RNF6: variants seen among roughly 807,000 people sequenced by gnomAD.
RNF6 encodes E3 ubiquitin-protein ligase RNF6.
Under a neutral mutation model 50.1 loss-of-function variants are expected in RNF6, and 21 were observed. The ratio of observed to expected loss-of-function variants is 0.42; its 90% CI spans 0.30 to 0.60. RNF6 has a LOEUF of 0.60. Ranked by LOEUF, RNF6 falls within the 20% of genes least tolerant of loss-of-function variation. The probability of loss-of-function intolerance (pLI) is 0.20; values close to 1 mark genes in which losing one functional copy is unlikely to be tolerated. For synonymous variants in RNF6, 255 were observed against 291.8 expected (o/e 0.87, Z 1.29); for missense variants, 698 against 838.2 (o/e 0.83, Z 2.07).
downstream of RNF6, among the ~76,000 whole-genome samples, chr13:26,210,253 C>T (rs1038183456): frequency 1.3e-5 from 2 of 152,224 alleles, no homozygotes; most frequent in African/African-American, 4.8e-5. Context: ...CCTACTACTG[C>T]AAAGTGAATT....
intron 5 of RNF6, among the ~76,000 whole-genome samples, chr13:26,204,860 A>AT (rs1307153195): frequency 4.6e-5 from 7 of 152,230 alleles, no homozygotes; most frequent in Non-Finnish European, 1.0e-4. Context: ...AAAATGAGAA[A>AT]TGCCTGACAT....
rs1376423929 is a variant in RNF6 at position 26,213,838 on chromosome 13, CTA to C, written c.2042_2043del (p.Ile681SerfsTer7). The C allele has an allele frequency of 1.2e-6, 2 of 1,605,076 alleles. No homozygotes were observed. Among genetic ancestry groups the C allele is most frequent in the Non-Finnish European group, 1.7e-6 (2 of 1,174,218 alleles). On this transcript the variant is annotated frameshift_variant, in exon 5 of 5. Transcript: ENST00000381588. LOFTEE classifies it high-confidence loss of function. ...ICRQPVLGSN[I>X]ANNG ...ATCCCATCACCTTACCCATTGTTTG[CTA>C]TGTTAGACCCTAAAACAGGCTGCCG... is the stretch of plus-strand genomic sequence containing the variant.
intron 5 of RNF6, among the ~76,000 whole-genome samples, chr13:26,175,382 C>T (rs1481148674): frequency 6.6e-6 from 1 of 152,056 alleles, no homozygotes; most frequent in Non-Finnish European, 1.5e-5. Context: ...CACCCAGCCT[C>T]AGGTGATTTT....
chr13:26,151,283 G>A (rs1871575305), intron 5 of RNF6, among the ~76,000 whole-genome samples: 1 of 148,210 alleles, frequency 6.7e-6, no homozygotes, highest in South Asian at 2.1e-4. Context: ...TTTTTTATGA[G>A]ACAGAATTTC....
chr13:26,209,638 A>T (rs1869239007), downstream of RNF6, among the ~76,000 whole-genome samples: 1 of 152,254 alleles, frequency 6.6e-6, no homozygotes, highest in Non-Finnish European at 1.5e-5. Flanking sequence ...TTCACAGTAC[A>T]GAAGCTGCAT....
At chr13:26,137,293 TTAAC>T (rs1276186105) in intron 5 of RNF6, among the ~76,000 whole-genome samples, 27 of 151,918 alleles carry the variant, frequency 1.8e-4, no homozygotes, top group Admixed American at 6.6e-5. Context: ...AAATAATAGA[TTAAC>T]TAAAGAGCTT....
intron 5 of RNF6, among the ~76,000 whole-genome samples, chr13:26,178,506 G>A (rs548597306): frequency 6.6e-6 from 1 of 150,832 alleles, no homozygotes; most frequent in African/African-American, 2.4e-5. Flanking sequence ...ACATGTGAAT[G>A]TGGGCGGGGG....
At chr13:26,135,952 G>T (rs1304831716) in intron 5 of RNF6, among the ~76,000 whole-genome samples, 2 of 152,110 alleles carry the variant, frequency 1.3e-5, no homozygotes, top group African/African-American at 4.8e-5. Context: ...GTGATCATAA[G>T]TTTCCAGGGG....
At chr13:26,146,655 G>A (rs988254756) in intron 5 of RNF6, among the ~76,000 whole-genome samples, 2 of 152,142 alleles carry the variant, frequency 1.3e-5, no homozygotes, top group Admixed American at 6.5e-5. Context: ...CAACTCTGAC[G>A]CTTCTACCTC....
chr13:26,152,502 T>C (rs1217662656), intron 5 of RNF6, among the ~76,000 whole-genome samples: 1 of 152,238 alleles, frequency 6.6e-6, no homozygotes, highest in Non-Finnish European at 1.5e-5. Context: ...CTCTGTCTTA[T>C]AAAATCTTGT....
chr13:26,163,130 G>A (rs934790667), intron 5 of RNF6, among the ~76,000 whole-genome samples: 1 of 151,492 alleles, frequency 6.6e-6, no homozygotes, highest in Non-Finnish European at 1.5e-5. Flanking sequence ...TTAACACGGT[G>A]AAACCCTGTC....
At chr13:26,166,032 C>T (rs1165767884) in intron 5 of RNF6, among the ~76,000 whole-genome samples, 1 of 152,170 alleles carries the variant, frequency 6.6e-6, no homozygotes, top group Non-Finnish European at 1.5e-5. Context: ...TAAATCTCAT[C>T]TTGAATTCCC....
downstream of RNF6, among the ~76,000 whole-genome samples, chr13:26,210,248 T>C (rs181663691): frequency 2.0e-5 from 3 of 152,228 alleles, no homozygotes; most frequent in Admixed American, 6.5e-5. Context: ...AGCCACCTAC[T>C]ACTGCAAAGT....
intron 5 of RNF6, chr13:26,144,979 T>A (rs1427491555): frequency 6.6e-6 from 1 of 152,162 alleles, no homozygotes; most frequent in Non-Finnish European, 1.5e-5. Context: ...AGTGTGATAT[T>A]TAGTGGAAGG....
chr13:26,134,016 G>C (rs947114247), intron 5 of RNF6, among the ~76,000 whole-genome samples: 13 of 152,220 alleles, frequency 8.5e-5, no homozygotes, highest in African/African-American at 3.1e-4. Flanking sequence ...CAGGGGAAAG[G>C]AGGTATTGCG....
intron 5 of RNF6, among the ~76,000 whole-genome samples, chr13:26,178,591 CGTGTGTGTGTGTGTGTGTGTGTGTGTGT>C (rs3981342): frequency 1.0e-5 from 1 of 100,324 alleles, no homozygotes; most frequent in Non-Finnish European, 2.0e-5. Context: ...CTGCCTGGTC[CGTGTGTGTGTGTGTGTGTGTGTGTGTGT>C]GTGTGTGTGT....
At position 26,189,337 on chromosome 13, in the gene RNF6, G is replaced by A. The variant is rs950541416; in HGVS notation, n.768+26137C>T. On this transcript the variant is annotated intron_variant and non_coding_transcript_variant, in intron 5 of 5. Transcript: ENST00000468480. Reference sequence around the variant, plus strand: ...AGCCAGACTCCATCTCAAAAAAAACGCTTCCTATTGTAATAGATCGTTGGA... The same window carrying A: ...AGCCAGACTCCATCTCAAAAAAAACACTTCCTATTGTAATAGATCGTTGGA... Among the ~76,000 whole-genome samples the A allele has an allele frequency of 6.8e-5, 9 of 132,150 alleles. No homozygotes were observed. The Admixed American group carries it at 7.1e-4, about 10-fold the overall frequency. 86.7% of individuals were successfully genotyped at this position (132,150 alleles called of 152,430 possible).
intron 5 of RNF6, among the ~76,000 whole-genome samples, chr13:26,152,386 C>T (rs1871660507): frequency 2.0e-5 from 3 of 152,186 alleles, no homozygotes; most frequent in Admixed American, 2.0e-4. Context: ...TTACGTTTCT[C>T]CTTCTGTAAT....
At chr13:26,192,466 C>T (rs1868501570) in intron 5 of RNF6, among the ~76,000 whole-genome samples, 2 of 152,300 alleles carry the variant, frequency 1.3e-5, no homozygotes, top group South Asian at 2.1e-4. Flanking sequence ...GGTATTCATG[C>T]CCTTGTGTAA....
Sources: allele counts gnomAD v4.1 joint callset (sites outside exome capture counted in the v4.1 genomes callset), GRCh38; gene constraint gnomAD v4.1.1; transcripts MANE v1.5; gene names NCBI Gene and HGNC (gene_info 2026-07-23, HGNC 2026-07-21).